Variants in CAMSAP2 observed in about 807,000 individuals in gnomAD.
The protein encoded by CAMSAP2 is calmodulin regulated spectrin associated protein family member 2.
CAMSAP2 carries 26 observed loss-of-function variants against 146.1 expected under a neutral mutation model. The observed-to-expected ratio is 0.18, with a 90% CI of 0.13 to 0.25. The LOEUF is 0.25. Ranked by LOEUF, CAMSAP2 falls within the 10% of genes least tolerant of loss-of-function variation. The pLI, the probability that CAMSAP2 is intolerant of heterozygous loss-of-function variation, is 1.00. For missense variants in CAMSAP2, 1,381 were observed against 1,759.3 expected (o/e 0.78, Z 3.85); for synonymous variants, 499 against 596.6 (o/e 0.84, Z 2.38).
chr1:200,762,195 T>C (rs551368040), intron 2 of CAMSAP2, among the ~76,000 whole-genome samples: 1 of 152,318 alleles, frequency 6.6e-6, no homozygotes, highest in South Asian at 2.1e-4. Context: ...GATGACCTGT[T>C]TTGTTTTCTG....
chr1:200,807,461 A>C lies in CAMSAP2; in HGVS notation c.485A>C (p.Gln162Pro). ...VSIEKVIACA[Q>P]QYSAFFQATD... is the part of the protein sequence containing the mutation. ...ATAGAAAAAGTAATTGCGTGTGCTC[A>C]GCAGTATTCAGCTTTTTTTCAAGCC... Residue 162 changes from glutamine (Q) to proline (P), a missense_variant, in exon 3 of 17, where the codon CAG becomes CCG. Gln to Pro is a moderately conservative substitution (Grantham distance 76). Transcript: ENST00000358823. 2.5e-6 allele frequency: 4 copies of C among 1,613,446 alleles called. No homozygotes were observed. Among genetic ancestry groups the C allele is most frequent in the Non-Finnish European group, 3.4e-6 (4 of 1,179,652 alleles).
At chr1:200,839,186 AG>A (rs1667255596) in intron 6 of CAMSAP2, among the ~76,000 whole-genome samples, 2 of 152,236 alleles carry the variant, frequency 1.3e-5, no homozygotes, top group East Asian at 3.8e-4. Context: ...TGCAGCTGAG[AG>A]GTCAAGTAAG....
At chr1:200,770,984 C>T (rs1665100728) in intron 2 of CAMSAP2, among the ~76,000 whole-genome samples, 2 of 152,156 alleles carry the variant, frequency 1.3e-5, no homozygotes, top group Non-Finnish European at 2.9e-5. Context: ...TAACCCAGTG[C>T]TTATTCTACA....
At chr1:200,810,347 A>G (rs565681086) in intron 3 of CAMSAP2, among the ~76,000 whole-genome samples, 120 of 152,300 alleles carry the variant, frequency 7.9e-4, no homozygotes, top group African/African-American at 2.7e-3. Context: ...TGGGAGGCCC[A>G]GGCAGGCGGA....
At position 200,816,949 on chromosome 1, in the gene CAMSAP2, TAC is replaced by T. The variant is rs775496211; in HGVS notation, c.645+1314_645+1315del. On this transcript the variant is annotated intron_variant, in intron 4 of 16. Transcript: ENST00000358823. ...ACACACACACGCGTGTGTATGTGTG[TAC>T]ACACACACGCGTGTGTATGTGTATA... Among the ~76,000 whole-genome samples, 5 of 63,838 alleles carry T rather than the reference TAC, an allele frequency of 7.8e-5. 2 individuals carry two copies. The highest frequency in any genetic ancestry group is 1.2e-4 in the Non-Finnish European group (4 of 33,498). The allele number at this position is 63,838 out of a possible 152,430, so 41.9% of individuals were successfully genotyped here. A position where few individuals can be genotyped will look rare whatever the true frequency, so the allele number is the denominator to read the frequency against.
chr1:200,815,962 A>G (rs1558190016), intron 4 of CAMSAP2, among the ~76,000 whole-genome samples: 1 of 152,222 alleles, frequency 6.6e-6, no homozygotes, highest in Non-Finnish European at 1.5e-5. Context: ...CAGGCTTTAT[A>G]ATGACATGCA....
At chr1:200,818,585 A>C (rs1666668228) in intron 4 of CAMSAP2, among the ~76,000 whole-genome samples, 1 of 152,030 alleles carries the variant, frequency 6.6e-6, no homozygotes, top group Non-Finnish European at 1.5e-5. Flanking sequence ...AATAAGGGTT[A>C]ATTTAACATA....
At chr1:200,748,039 T>A (rs1322080869) in intron 1 of CAMSAP2, among the ~76,000 whole-genome samples, 3 of 151,872 alleles carry the variant, frequency 2.0e-5, no homozygotes, top group Non-Finnish European at 2.9e-5. Context: ...GTCTCACATC[T>A]ATGTACCACA....
rs1667665490 is a variant in CAMSAP2 at position 200,853,106 on chromosome 1, ATG to A, written c.3603-168_3603-167del. On this transcript the variant is annotated intron_variant, in intron 12 of 16. Transcript: ENST00000358823. This position sits in a 1 kb window ranked among gnomAD's most constrained non-coding sequence, Gnocchi z 5.1. ...CCTTCCCTCCTTTATTTACTTATTT[ATG>A]CTTAATCCCATGTCTCAGCAGAATC... 1.3e-5 allele frequency among the ~76,000 whole-genome samples: 2 copies of A among 151,650 alleles called. No homozygotes were observed. The highest frequency in any genetic ancestry group is 4.8e-5 in the African/African-American group (2 of 41,244).
intron 2 of CAMSAP2, among the ~76,000 whole-genome samples, chr1:200,799,938 T>C (rs908704037): frequency 7.2e-5 from 11 of 152,212 alleles, no homozygotes; most frequent in African/African-American, 2.7e-4. Context: ...CAGTAGTCAT[T>C]CAGGAGCAGG....
chr1:200,811,267 T>G (rs1558187798), intron 3 of CAMSAP2, among the ~76,000 whole-genome samples: 2 of 152,060 alleles, frequency 1.3e-5, no homozygotes, highest in Non-Finnish European at 2.9e-5. Context: ...TCTCAGCAGT[T>G]TTTTCTCCCT....
chr1:200,740,511 G>A (rs150590743), intron 1 of CAMSAP2, among the ~76,000 whole-genome samples: 254 of 152,308 alleles, frequency 1.7e-3, no homozygotes, highest in African/African-American at 6.1e-3. Flanking sequence ...CTGCACGCAT[G>A]TTAAGTTCTT....
chr1:200,835,149 T>C (rs1448173813), intron 6 of CAMSAP2, among the ~76,000 whole-genome samples: 1 of 152,186 alleles, frequency 6.6e-6, no homozygotes, highest in Non-Finnish European at 1.5e-5. Flanking sequence ...TGAAGAATTT[T>C]AGGATTTGTT....
chr1:200,840,096 G>C (rs1006473648), intron 6 of CAMSAP2, among the ~76,000 whole-genome samples: 1 of 152,090 alleles, frequency 6.6e-6, no homozygotes, highest in African/African-American at 2.4e-5. Context: ...ATTATCTTCT[G>C]TAATACTCCA....
rs71138305 is a variant in CAMSAP2 at position 200,858,418 on chromosome 1, C to CT, written c.*367dup. ...TACAAATTATGTGTTTTATTTGTTG[C>CT]TTTTTTTTAACCTTTTAATGTATAT... is the stretch of plus-strand genomic sequence containing the variant. On this transcript the variant is annotated 3_prime_UTR_variant, in exon 17 of 17. Coordinates refer to ENST00000358823, the MANE Select transcript of CAMSAP2 (RefSeq NM_203459.4). 20,879 of 170,522 alleles carry CT rather than the reference C, an allele frequency of 0.12. 1,364 individuals carry two copies. The highest frequency in any genetic ancestry group is 0.16 in the East Asian group (998 of 6,384). 10.6% of individuals were successfully genotyped at this position (170,522 alleles called of 1,614,324 possible). A position where few individuals can be genotyped will look rare whatever the true frequency, so the allele number is the denominator to read the frequency against.
At chr1:200,804,807 G>C (rs951130569) in intron 2 of CAMSAP2, among the ~76,000 whole-genome samples, 3 of 151,940 alleles carry the variant, frequency 2.0e-5, no homozygotes, top group Admixed American at 1.3e-4. Context: ...ATGAAAATGC[G>C]GTTTTAATTT....
In CAMSAP2 at chr1:200,849,261, G is replaced by T; in HGVS notation, c.2492G>T (p.Ser831Ile). 1 of 1,613,910 alleles carries T rather than the reference G, an allele frequency of 6.2e-7. No individual in the cohort carries two copies. Among genetic ancestry groups the T allele is most frequent in the Non-Finnish European group, 8.5e-7 (1 of 1,180,008 alleles). Reference sequence around the variant, plus strand: ...TCACAAAAAACTGATGGACAAAGGAGCAAGTCACTGGCAGATATAAAAGAG... The same window carrying T: ...TCACAAAAAACTGATGGACAAAGGATCAAGTCACTGGCAGATATAAAAGAG... Reference protein sequence around the residue: ...KESQKTDGQRSKSLADIKESM... With the variant: ...KESQKTDGQRIKSLADIKESM... Residue 831 changes from serine (S) to isoleucine (I), a missense_variant, in exon 11 of 17, where the codon AGC (serine) becomes ATC (isoleucine). Ser to Ile is a moderately radical substitution (Grantham distance 142). Transcript: ENST00000358823. This position sits in a 1 kb window ranked among gnomAD's most constrained non-coding sequence, Gnocchi z 6.3.
At position 200,832,573 on chromosome 1, in the gene CAMSAP2, A is replaced by G. The variant is rs1667072314; in HGVS notation, c.788-133A>G. ...GTGCTCGGTTTCTAAGTCTTAATGT[A>G]TAATGACTACTATATTTATAAATGT... is the stretch of plus-strand genomic sequence containing the variant. On this transcript the variant is annotated intron_variant, in intron 5 of 16. Transcript: ENST00000358823. The surrounding 1 kb of genome is among the most constrained non-coding windows in gnomAD (Gnocchi z 4.2). 1.2e-6 allele frequency: 1 copy of G among 808,280 alleles called. No homozygotes were observed. The highest frequency in any genetic ancestry group is 1.8e-6 in the Non-Finnish European group (1 of 557,026). 50.1% of individuals were successfully genotyped at this position (808,280 alleles called of 1,614,324 possible).
At chr1:200,799,983 T>C (rs934630022) in intron 2 of CAMSAP2, among the ~76,000 whole-genome samples, 14 of 152,308 alleles carry the variant, frequency 9.2e-5, no homozygotes, top group African/African-American at 3.4e-4. Flanking sequence ...CGGTTTTGAG[T>C]GAGTTTCTTA....
Sources: allele counts gnomAD v4.1 joint callset (sites outside exome capture counted in the v4.1 genomes callset), GRCh38; gene constraint gnomAD v4.1.1; non-coding constraint Gnocchi (gnomAD v3.1); transcripts MANE v1.5; gene names NCBI Gene and HGNC (gene_info 2026-07-23, HGNC 2026-07-21).